The following EMC3 variants were observed in gnomAD, a reference collection of about 807,000 sequenced individuals.
The protein encoded by EMC3 is ER membrane protein complex subunit 3, also known as 30 kDa protein.
EMC3 carries 13 observed loss-of-function variants against 36.6 expected under a neutral mutation model. That is an observed-to-expected ratio of 0.35 (90% CI 0.23 to 0.56). The LOEUF (loss-of-function observed/expected upper bound fraction) is 0.56, where lower values mean the gene tolerates loss of function less well. Ranked by LOEUF, EMC3 falls within the 20% of genes least tolerant of loss-of-function variation. The pLI, the probability that EMC3 is intolerant of heterozygous loss-of-function variation, is 0.84. For synonymous variants in EMC3, 120 were observed against 111.9 expected, an observed-to-expected ratio of 1.07 and a Z score of -0.46; for missense variants, 220 against 324.5, an observed-to-expected ratio of 0.68 and a Z score of 2.47.
upstream of EMC3, chr3:9,988,072 C>T: frequency 1.7e-6 from 1 of 602,090 alleles, no homozygotes; most frequent in Non-Finnish European, 3.0e-6. Context: ...CTCTGACATC[C>T]CACAGTCAGA....
intron 7 of EMC3, among the ~76,000 whole-genome samples, chr3:9,964,971 C>T (rs2085721891): frequency 6.6e-6 from 1 of 152,032 alleles, no homozygotes; most frequent in Non-Finnish European, 1.5e-5. Flanking sequence ...GGTGCAGTGG[C>T]ATGCATCTAC....
upstream of EMC3, chr3:9,987,139 A>G: frequency 2.4e-6 from 2 of 837,494 alleles, no homozygotes; most frequent in Non-Finnish European, 1.4e-6. Context: ...GCGTGAACCC[A>G]GGAGGCGGAG....
At chr3:10,005,627 G>A (rs1326563253) in intron 1 of EMC3, among the ~76,000 whole-genome samples, 1 of 152,142 alleles carries the variant, frequency 6.6e-6, no homozygotes, top group African/African-American at 2.4e-5. Context: ...TGAACGCCAG[G>A]AAGTGTCCTT....
Position 9,973,682 on chromosome 3 carries a change from C to T in EMC3, c.440G>A (p.Arg147His). Reference sequence around the variant, plus strand: ...TCCTTGCTGTAACATAGGCTTAAAACGGAGGGTCAGTGGAAATGGGACCTT... The same window carrying T: ...TCCTTGCTGTAACATAGGCTTAAAATGGAGGGTCAGTGGAAATGGGACCTT... ...TTKVPFPLTL[R>H]FKPMLQQGIE... Residue 147 changes from arginine (R) to histidine (H), a missense_variant, in exon 5 of 8, where the codon CGT becomes CAT. Physicochemically the swap from Arg to His is conservative, Grantham distance 29. Coordinates refer to ENST00000245046, the MANE Select transcript of EMC3 (RefSeq NM_001394674.1). 1.2e-6 allele frequency: 2 copies of T among 1,614,070 alleles called. No homozygotes were observed. The highest frequency in any genetic ancestry group is 2.2e-5 in the East Asian group (1 of 44,886).
At chr3:9,973,344 G>A (rs559024376) in intron 5 of EMC3, among the ~76,000 whole-genome samples, 10 of 151,374 alleles carry the variant, frequency 6.6e-5, no homozygotes, top group South Asian at 4.2e-4. Context: ...ACAGGCGCCC[G>A]CCACCACGCC....
intron 1 of EMC3, among the ~76,000 whole-genome samples, chr3:9,982,728 A>T (rs2085924844): frequency 6.6e-6 from 1 of 151,896 alleles, no homozygotes; most frequent in South Asian, 2.1e-4. Flanking sequence ...CTTTGCAAAA[A>T]ATTTAAAGAT....
At chr3:10,002,868 A>G (rs1352954188) in intron 1 of EMC3, 3 of 455,890 alleles carry the variant, frequency 6.6e-6, no homozygotes, top group South Asian at 3.1e-5. Context: ...CCCTGGCTCA[A>G]CAAGGCCCCC....
intron 1 of EMC3, among the ~76,000 whole-genome samples, chr3:9,978,572 C>A (rs1163779874): frequency 1.3e-5 from 2 of 152,148 alleles, no homozygotes; most frequent in Non-Finnish European, 2.9e-5. Context: ...TGGCTCACAT[C>A]TGTAATCCCA....
At chr3:10,005,645 A>G (rs1037775728) in intron 1 of EMC3, among the ~76,000 whole-genome samples, 2 of 152,194 alleles carry the variant, frequency 1.3e-5, no homozygotes, top group Non-Finnish European at 2.9e-5. Context: ...CTTCACTGTA[A>G]CTGATGAAAA....
intron 1 of EMC3, among the ~76,000 whole-genome samples, chr3:9,985,445 G>T (rs185627558): frequency 1.3e-5 from 2 of 152,282 alleles, no homozygotes; most frequent in Admixed American, 1.3e-4. Context: ...GTTTTTCTAA[G>T]AGACAAGGTC....
intron 1 of EMC3, among the ~76,000 whole-genome samples, chr3:9,981,346 A>G (rs2085910231): frequency 6.6e-6 from 1 of 152,220 alleles, no homozygotes; most frequent in Non-Finnish European, 1.5e-5. Flanking sequence ...ACACTGCTGA[A>G]CAATTTTGTA....
rs760182734 is a variant in EMC3 at position 9,997,746 on chromosome 3, C to A, written c.-241-10844G>T. Among the ~76,000 whole-genome samples the A allele has an allele frequency of 3.3e-5, 5 of 152,148 alleles. No individual in the cohort carries two copies. In the South Asian group the frequency reaches 6.2e-4, roughly 19 times the overall value. On this transcript the variant is annotated intron_variant, in intron 1 of 8. Coordinates refer to the EMC3 transcript ENST00000470827. ...AAGTGCTGGGACTACAGGCGTGAGC[C>A]ACTGCGCCCGGCCCCCATTCTTTGT...
intron 7 of EMC3, among the ~76,000 whole-genome samples, chr3:9,965,120 A>C (rs2085723990): frequency 1.3e-5 from 2 of 151,690 alleles, no homozygotes; most frequent in African/African-American, 2.4e-5. Context: ...AAAAAAAAAA[A>C]AGCTTGCGAG....
At chr3:9,967,706 T>G (rs865883897) in intron 7 of EMC3, among the ~76,000 whole-genome samples, 1 of 152,252 alleles carries the variant, frequency 6.6e-6, no homozygotes, top group African/African-American at 2.4e-5. Flanking sequence ...AATTTCCACA[T>G]GAACTTCACA....
chr3:9,971,703 G>A (rs116392376), intron 5 of EMC3, among the ~76,000 whole-genome samples: 61 of 152,320 alleles, frequency 4.0e-4, no homozygotes, highest in Admixed American at 9.2e-4. Context: ...AAGTAGAATA[G>A]ACTCATGCTA....
At chr3:10,004,058 T>C (rs1341179553) in intron 1 of EMC3, 1 of 152,170 alleles carries the variant, frequency 6.6e-6, no homozygotes, top group Non-Finnish European at 1.5e-5. Flanking sequence ...TGTGCCACCA[T>C]GGATATTCAG....
At chr3:9,976,925 T>A (rs1248861576) in intron 3 of EMC3, 32 bp downstream of exon 3, 1 of 1,522,258 alleles carries the variant, frequency 6.6e-7, no homozygotes, top group East Asian at 2.3e-5. Flanking sequence ...TTAAAAATCT[T>A]CCTTAAAGAT....
At chr3:9,997,761 C>G (rs1158247075) in intron 1 of EMC3, among the ~76,000 whole-genome samples, 1 of 152,078 alleles carries the variant, frequency 6.6e-6, no homozygotes, top group African/African-American at 2.4e-5. Flanking sequence ...CGCCCGGCCC[C>G]CATTCTTTGT....
chr3:9,964,410 CTAAG>C (rs1422547201), intron 7 of EMC3, among the ~76,000 whole-genome samples: 1 of 152,202 alleles, frequency 6.6e-6, no homozygotes, highest in Non-Finnish European at 1.5e-5. Context: ...GAGACTAAGA[CTAAG>C]AGGTCAAATA....
Sources: allele counts gnomAD v4.1 joint callset (sites outside exome capture counted in the v4.1 genomes callset), GRCh38; gene constraint gnomAD v4.1.1; transcripts MANE v1.5; gene names NCBI Gene and HGNC (gene_info 2026-07-23, HGNC 2026-07-21).